Variants in MYO5B observed in about 807,000 individuals in gnomAD.
MYO5B encodes the protein myosin VB.
Under a neutral mutation model 229.3 loss-of-function variants are expected in MYO5B, and 143 were observed. The observed-to-expected ratio is 0.62, with a 90% CI of 0.54 to 0.72. The LOEUF (loss-of-function observed/expected upper bound fraction) is 0.72, where lower values mean the gene tolerates loss of function less well. MYO5B is among the 30% of genes least tolerant of loss of function. The pLI, the probability that MYO5B is intolerant of heterozygous loss-of-function variation, is 0.00. For missense variants in MYO5B, 2,321 were observed against 2,331.0 expected (o/e 1.00, Z 0.09); for synonymous variants, 918 against 885.2 (o/e 1.04, Z -0.66).
chr18:50,168,335 T>C lies in MYO5B; in HGVS notation c.27+26432A>G, dbSNP rs75973225. Among the ~76,000 whole-genome samples the C allele has an allele frequency of 2.0e-3, 308 of 152,326 alleles. 1 individual carries two copies. Among genetic ancestry groups the C allele is most frequent in the African/African-American group, 7.1e-3 (297 of 41,584 alleles). On this transcript the variant is annotated intron_variant, in intron 1 of 39. Transcript: ENST00000285039. The stretch of plus-strand genomic sequence containing the variant: ...AACATGGTGATTTACTGAGAGTCCT[T>C]TGAGAGGCCTGCAGTTCCAGAAGAC...
intron 1 of MYO5B, among the ~76,000 whole-genome samples, chr18:50,110,910 C>T (rs1410527507): frequency 1.3e-5 from 2 of 152,106 alleles, no homozygotes; most frequent in African/African-American, 2.4e-5. Flanking sequence ...GAATACAAAA[C>T]ATATCAGAAG....
At chr18:49,876,189 T>C (rs369315463) in intron 25 of MYO5B, 2 of 354,112 alleles carry the variant, frequency 5.6e-6, no homozygotes, top group Admixed American at 4.2e-5. Flanking sequence ...AGAGAAACTA[T>C]AGAACTTGGG....
intron 8 of MYO5B, among the ~76,000 whole-genome samples, chr18:49,980,924 T>A (rs1227864226): frequency 9.2e-5 from 14 of 152,264 alleles, no homozygotes; most frequent in Admixed American, 7.8e-4. Context: ...AGAATGGTCA[T>A]GTATCTGCAA....
At chr18:49,857,013 A>G (rs2024271212) in intron 29 of MYO5B, 123 bp from the exon 30 acceptor site, 2 of 792,470 alleles carry the variant, frequency 2.5e-6, no homozygotes. Context: ...GCAAGGCTCA[A>G]GAACTCCCAT....
chr18:50,062,342 G>C (rs1415917017), intron 1 of MYO5B, among the ~76,000 whole-genome samples: 7 of 152,182 alleles, frequency 4.6e-5, no homozygotes, highest in Admixed American at 3.9e-4. Flanking sequence ...AGCCTAACTT[G>C]ATAGCTGGCA....
chr18:50,109,606 T>G (rs113698010), intron 1 of MYO5B, among the ~76,000 whole-genome samples: 36,446 of 151,736 alleles, frequency 0.24, 5,367 homozygotes, highest in African/African-American at 0.42. Context: ...TTTTGTATTT[T>G]TAGTAGAGAC....
intron 21 of MYO5B, among the ~76,000 whole-genome samples, chr18:49,899,503 T>C (rs1007693278): frequency 6.6e-6 from 1 of 152,196 alleles, no homozygotes; most frequent in East Asian, 1.9e-4. Flanking sequence ...TGAGGAGTTC[T>C]CCTGACATGT....
chr18:49,891,110 T>C (rs1281362015), intron 22 of MYO5B, among the ~76,000 whole-genome samples: 2 of 152,074 alleles, frequency 1.3e-5, no homozygotes, highest in Non-Finnish European at 2.9e-5. Flanking sequence ...CTCCTGCTGT[T>C]TGCCTCCTCA....
chr18:50,001,117 G>T, intron 5 of MYO5B, 138 bp downstream of exon 5: 2 of 1,092,880 alleles, frequency 1.8e-6, no homozygotes, highest in East Asian at 2.4e-5. Flanking sequence ...GAGGCAGCTT[G>T]GTAACTTTTC....
chr18:50,059,314 G>A (rs1383655778), intron 1 of MYO5B, among the ~76,000 whole-genome samples: 3 of 152,156 alleles, frequency 2.0e-5, no homozygotes, highest in Admixed American at 1.3e-4. Context: ...CTGAACCTAA[G>A]GGATGTATAT....
chr18:50,178,829 G>T (rs1377121789), intron 1 of MYO5B, among the ~76,000 whole-genome samples: 1 of 152,168 alleles, frequency 6.6e-6, no homozygotes, highest in Non-Finnish European at 1.5e-5. Context: ...AGTGTTGTGT[G>T]ACTCCAGTGG....
intron 22 of MYO5B, among the ~76,000 whole-genome samples, chr18:49,892,061 C>T (rs1448752060): frequency 1.3e-5 from 2 of 152,230 alleles, no homozygotes; most frequent in Non-Finnish European, 2.9e-5. Context: ...AATGAGCTGT[C>T]ACCTCTGTGC....
chr18:50,070,178 C>T (rs2030921558), intron 1 of MYO5B, among the ~76,000 whole-genome samples: 1 of 152,074 alleles, frequency 6.6e-6, no homozygotes, highest in South Asian at 2.1e-4. Flanking sequence ...CCCACCACTA[C>T]ATCTGCCTAA....
intron 12 of MYO5B, 113 bp downstream of exon 12, chr18:49,962,153 G>A: frequency 7.1e-7 from 1 of 1,409,394 alleles, no homozygotes; most frequent in South Asian, 1.2e-5. Context: ...GCTTCTTCCA[G>A]CACACTGAAG....
intron 10 of MYO5B, among the ~76,000 whole-genome samples, chr18:49,974,053 C>T (rs2025718336): frequency 6.6e-6 from 1 of 152,188 alleles, no homozygotes; most frequent in African/African-American, 2.4e-5. Flanking sequence ...CTCTCTTGGC[C>T]TCACTTTCTC....
Position 49,839,031 on chromosome 18 carries a change from C to T in MYO5B, c.4852+113G>A, listed in dbSNP as rs981009085. 13 of 1,358,816 alleles carry T rather than the reference C, an allele frequency of 9.6e-6. No individual in the cohort carries two copies. The East Asian group carries it at 2.7e-4, about 29-fold the overall frequency. 84.2% of individuals were successfully genotyped at this position (1,358,816 alleles called of 1,614,324 possible). On this transcript the variant is annotated intron_variant, in intron 36 of 39. Coordinates refer to ENST00000285039, the MANE Select transcript of MYO5B (RefSeq NM_001080467.3). ...GCCTTCACTGGAAGGTTCTGGCTTT[C>T]TGGAGGTCATGGCTAAGATATCTGG...
At chr18:50,069,387 G>T (rs2030899726) in intron 1 of MYO5B, among the ~76,000 whole-genome samples, 1 of 152,058 alleles carries the variant, frequency 6.6e-6, no homozygotes, top group Non-Finnish European at 1.5e-5. Context: ...CGGCAGGGAC[G>T]TTAAGCACCA....
intron 29 of MYO5B, among the ~76,000 whole-genome samples, chr18:49,859,621 C>A (rs900189812): frequency 1.3e-5 from 2 of 152,214 alleles, no homozygotes; most frequent in Non-Finnish European, 2.9e-5. Context: ...AGGCCCTAGG[C>A]CTGGCCATAT....
At chr18:50,095,346 T>C (rs2031530454) in intron 1 of MYO5B, among the ~76,000 whole-genome samples, 1 of 151,942 alleles carries the variant, frequency 6.6e-6, no homozygotes, top group African/African-American at 2.4e-5. Context: ...TCCCTGCATT[T>C]CCCTCCTCTA....
Sources: allele counts gnomAD v4.1 joint callset (sites outside exome capture counted in the v4.1 genomes callset), GRCh38; gene constraint gnomAD v4.1.1; transcripts MANE v1.5; gene names NCBI Gene and HGNC (gene_info 2026-07-23, HGNC 2026-07-21).